The following SUCLG2 variants were observed in gnomAD, a reference collection of about 807,000 sequenced individuals.
SUCLG2 encodes succinate-CoA ligase GDP-forming subunit beta, also known as succinate--CoA ligase [GDP-forming] subunit beta, mitochondrial.
SUCLG2 carries 42 observed loss-of-function variants against 47.9 expected under a neutral mutation model. That is an observed-to-expected ratio of 0.88 (90% CI 0.69 to 1.14). The LOEUF is 1.14. SUCLG2 is among the 50% of genes most tolerant of loss of function. The pLI is 0.00. For synonymous variants in SUCLG2, 195 were observed against 197.3 expected (o/e 0.99, Z 0.10); for missense variants, 571 against 525.9 (o/e 1.09, Z -0.84).
intron 4 of SUCLG2, among the ~76,000 whole-genome samples, chr3:67,524,432 G>A (rs1054138525): frequency 1.3e-5 from 2 of 152,126 alleles, no homozygotes; most frequent in Non-Finnish European, 2.9e-5. Context: ...GTACATTCTC[G>A]AATTTTAAAT....
intron 1 of SUCLG2, among the ~76,000 whole-genome samples, chr3:67,641,411 G>A (rs1295137915): frequency 6.6e-6 from 1 of 152,158 alleles, no homozygotes; most frequent in African/African-American, 2.4e-5. Flanking sequence ...GAAGTGCCAA[G>A]GTGAAAAAAC....
chr3:67,502,212 A>G (rs896177394), intron 7 of SUCLG2, among the ~76,000 whole-genome samples: 2 of 152,210 alleles, frequency 1.3e-5, no homozygotes, highest in African/African-American at 4.8e-5. Context: ...TCAGTGTTGG[A>G]AAAACTCACA....
chr3:67,493,924 G>T (rs1705266005), intron 9 of SUCLG2, among the ~76,000 whole-genome samples: 1 of 152,164 alleles, frequency 6.6e-6, no homozygotes, highest in South Asian at 2.1e-4. Flanking sequence ...TTCTTTTTGC[G>T]AATACCTTCC....
At chr3:67,623,286 G>A (rs1700766001) in intron 1 of SUCLG2, among the ~76,000 whole-genome samples, 1 of 152,110 alleles carries the variant, frequency 6.6e-6, no homozygotes. Flanking sequence ...GAATCACGAG[G>A]TCAGGACATC....
intron 10 of SUCLG2, among the ~76,000 whole-genome samples, chr3:67,368,591 T>C (rs1701906952): frequency 6.6e-6 from 1 of 152,024 alleles, no homozygotes; most frequent in Admixed American, 6.5e-5. Context: ...TCTGGCATCT[T>C]CATTTTATTT....
intron 7 of SUCLG2, among the ~76,000 whole-genome samples, chr3:67,501,949 G>A (rs1705505641): frequency 6.6e-6 from 1 of 152,106 alleles, no homozygotes; most frequent in Non-Finnish European, 1.5e-5. Flanking sequence ...ATCAGCAGTA[G>A]TAAGTAAAGT....
Position 67,426,992 on chromosome 3 carries a change from T to A in SUCLG2, c.1063-26141A>T, listed in dbSNP as rs541611306. On this transcript the variant is annotated intron_variant, in intron 9 of 10. Coordinates refer to ENST00000307227, the MANE Select transcript of SUCLG2 (RefSeq NM_003848.4). ...CTTTGCCTACTTTAAACACATAAAA[T>A]AATAAGTAACACTAAGAATGTAATT... Among the ~76,000 whole-genome samples the A allele has an allele frequency of 3.9e-5, 6 of 152,160 alleles. No individual in the cohort carries two copies. In the East Asian group the frequency reaches 1.2e-3, roughly 29 times the overall value.
At chr3:67,544,182 A>G (rs1417022631) in intron 2 of SUCLG2, among the ~76,000 whole-genome samples, 2 of 152,238 alleles carry the variant, frequency 1.3e-5, no homozygotes, top group Non-Finnish European at 2.9e-5. Flanking sequence ...TTAATTTATA[A>G]TAAGCATTAA....
chr3:67,420,861 AG>A (rs766342615), intron 9 of SUCLG2, among the ~76,000 whole-genome samples: 2 of 152,224 alleles, frequency 1.3e-5, no homozygotes, highest in Non-Finnish European at 2.9e-5. Context: ...AGAGTTAGTA[AG>A]AAACATGACT....
At chr3:67,422,824 A>G (rs528467846) in intron 9 of SUCLG2, among the ~76,000 whole-genome samples, 1 of 152,302 alleles carries the variant, frequency 6.6e-6, no homozygotes, top group African/African-American at 2.4e-5. Flanking sequence ...GGGCATCTGT[A>G]TCATTTACAC....
At chr3:67,363,301 C>G (rs1272907411) in intron 10 of SUCLG2, among the ~76,000 whole-genome samples, 2 of 152,162 alleles carry the variant, frequency 1.3e-5, no homozygotes, top group African/African-American at 2.4e-5. Flanking sequence ...GTTATTAAAG[C>G]AAAGTTTTAT....
rs192484711 is a variant in SUCLG2 at position 67,465,109 on chromosome 3, G to C, written c.1062+30689C>G. On this transcript the variant is annotated intron_variant, in intron 9 of 10. Coordinates refer to ENST00000307227, the MANE Select transcript of SUCLG2 (RefSeq NM_003848.4). The stretch of plus-strand genomic sequence containing the variant: ...GAAAAAGTAGGTAATTCAAATGGAG[G>C]CAATTTGGAGACACCTAGACTAATA... Among the ~76,000 whole-genome samples the C allele has an allele frequency of 1.6e-3, 241 of 152,256 alleles. 2 individuals are homozygous for C. The highest frequency in any genetic ancestry group is 5.6e-3 in the African/African-American group (232 of 41,560).
chr3:67,458,624 T>A (rs897804111), intron 9 of SUCLG2, among the ~76,000 whole-genome samples: 1 of 152,094 alleles, frequency 6.6e-6, no homozygotes, highest in African/African-American at 2.4e-5. Context: ...GTTTATACAG[T>A]GGTTTTCAAC....
chr3:67,372,732 T>C (rs560019093), downstream of SUCLG2, among the ~76,000 whole-genome samples: 122 of 152,330 alleles, frequency 8.0e-4, no homozygotes, highest in African/African-American at 2.8e-3. Flanking sequence ...ATTTCCTACT[T>C]TTCCATTTCT....
At chr3:67,386,445 C>T (rs1702261945) in intron 10 of SUCLG2, among the ~76,000 whole-genome samples, 1 of 151,990 alleles carries the variant, frequency 6.6e-6, no homozygotes, top group Non-Finnish European at 1.5e-5. Context: ...TCAACATCTA[C>T]TGTATTAGTC....
At chr3:67,503,253 C>G (rs1455947279) in intron 7 of SUCLG2, among the ~76,000 whole-genome samples, 2 of 152,076 alleles carry the variant, frequency 1.3e-5, no homozygotes, top group Non-Finnish European at 2.9e-5. Flanking sequence ...GTGATAGATA[C>G]ACAGGTGTCA....
rs1315519820 is a variant in SUCLG2, at chr3:67,457,657, C to T, written c.1062+38141G>A. Among the ~76,000 whole-genome samples, 4 of 129,602 alleles carry T rather than the reference C, an allele frequency of 3.1e-5. No individual in the cohort carries two copies. In the East Asian group the frequency reaches 1.0e-3, roughly 33 times the overall value. 85.0% of individuals were successfully genotyped at this position (129,602 alleles called of 152,430 possible). On this transcript the variant is annotated intron_variant, in intron 9 of 10. Transcript: ENST00000307227. ...ATAAATTGTTTTCCATCTATATCTA[C>T]TTATAACAACAAAAGAACAAAAGCA...
chr3:67,388,986 A>G (rs189128073), intron 10 of SUCLG2, among the ~76,000 whole-genome samples: 123 of 151,968 alleles, frequency 8.1e-4, no homozygotes, highest in Non-Finnish European at 1.4e-3. Flanking sequence ...AACAGAGGTA[A>G]AAACTGAAGC....
Position 67,542,273 on chromosome 3 carries a change from T to C in SUCLG2, c.227-13087A>G, listed in dbSNP as rs568676023. Among the ~76,000 whole-genome samples the C allele has an allele frequency of 4.6e-5, 7 of 152,190 alleles. 1 individual carries two copies. In the South Asian group the frequency reaches 1.2e-3, roughly 27 times the overall value. On this transcript the variant is annotated intron_variant, in intron 2 of 10. Coordinates refer to ENST00000307227, the MANE Select transcript of SUCLG2 (RefSeq NM_003848.4). ...AGAAATAAAATCCTTTACAGAGAAG[T>C]AAATGCTGAGAGATTTTGTTACCAC...
Sources: gnomAD v4.1 joint callset for allele counts (sites outside exome capture counted in the v4.1 genomes callset) on GRCh38, gnomAD v4.1.1 for gene constraint, MANE v1.5 for transcripts, NCBI Gene and HGNC (gene_info 2026-07-23, HGNC 2026-07-21) for gene names.